The following GPI variants were observed in gnomAD, a reference collection of about 807,000 sequenced individuals.
GPI encodes glucose-6-phosphate isomerase.
In GPI, 56 loss-of-function variants were observed where a neutral mutation model predicts 75.8. That is an observed-to-expected ratio of 0.74 (90% CI 0.60 to 0.92). GPI has a LOEUF of 0.92. Ranked by LOEUF, GPI falls within the 40% of genes least tolerant of loss-of-function variation. The probability of loss-of-function intolerance (pLI) is 0.00; values close to 1 mark genes in which losing one functional copy is unlikely to be tolerated. For synonymous variants in GPI, 288 were observed against 285.4 expected (o/e 1.01, Z -0.09); for missense variants, 638 against 741.0 (o/e 0.86, Z 1.61).
At position 34,400,577 on chromosome 19, in the gene GPI, C is replaced by G. The variant is rs4619515; in HGVS notation, c.*541C>G. 394,977 of 425,178 alleles carry G rather than the reference C, an allele frequency of 0.93. 184,189 individuals are homozygous for G. Among genetic ancestry groups the G allele is most frequent in the East Asian group, 1 (29,985 of 29,994 alleles). 26.3% of individuals were successfully genotyped at this position (425,178 alleles called of 1,614,324 possible). The stretch of plus-strand genomic sequence containing the variant: ...TTTCCACTCCTCACCTCTGTGACTG[C>G]AGAAATTGGATACTCTGTTCACTCG... On this transcript the variant is annotated 3_prime_UTR_variant, in exon 18 of 18. Transcript: ENST00000356487.
chr19:34,361,610 TCTTA>T (rs1194096658), upstream of GPI, among the ~76,000 whole-genome samples: 4 of 152,156 alleles, frequency 2.6e-5, no homozygotes, highest in Admixed American at 1.3e-4. Context: ...AGACTTTTCT[TCTTA>T]CTTTTCTGTG....
In GPI at chr19:34,399,273, C is replaced by T. The variant is rs774419705; in HGVS notation, c.1336C>T (p.Arg446Ter). 23 of 1,613,864 alleles carry T rather than the reference C, an allele frequency of 1.4e-5. No homozygotes were observed. The highest frequency in any genetic ancestry group is 3.3e-5 in the Admixed American group (2 of 59,998). Reference sequence around the variant, plus strand: ...GAGGGGAAAATCGACGGAGGAGGCCCGAAAGGAGCTCCAGGCTGCGGGCAA... The same window carrying T: ...GAGGGGAAAATCGACGGAGGAGGCCTGAAAGGAGCTCCAGGCTGCGGGCAA... ...LMRGKSTEEARKELQAAGKSP... is the reference protein window; with the variant it reads ...LMRGKSTEEA Residue 446 changes from arginine (R) to a stop codon, truncating the protein, a stop_gained, in exon 15 of 18, where the codon CGA (arginine) becomes TGA (stop). Transcript: ENST00000356487. LOFTEE classifies it high-confidence loss of function.
At chr19:34,373,894 G>T (rs2074492732) in intron 4 of GPI, among the ~76,000 whole-genome samples, 1 of 152,196 alleles carries the variant, frequency 6.6e-6, no homozygotes, top group South Asian at 2.1e-4. Context: ...CAGAGTGAGT[G>T]ATCCAATAGA....
rs771404447 is a variant in GPI at position 34,399,649 on chromosome 19, A to G, written c.1474+18A>G. The G allele has an allele frequency of 6.2e-7, 1 of 1,613,980 alleles. No individual in the cohort carries two copies. Among genetic ancestry groups the G allele is most frequent in the South Asian group, 1.1e-5 (1 of 91,080 alleles). On this transcript the variant is annotated intron_variant, in intron 16 of 17. Transcript: ENST00000356487. The stretch of plus-strand genomic sequence containing the variant: ...CTTGGTCGGTGAGTGAGTAGGGGAA[A>G]GGTCCTGGCTTGGGGTAGGTTGGAA...
At position 34,393,064 on chromosome 19, in the gene GPI, G is replaced by C; in HGVS notation, c.805-184G>C. 1 of 657,306 alleles carries C rather than the reference G, an allele frequency of 1.5e-6. No individual in the cohort carries two copies. Among genetic ancestry groups the C allele is most frequent in the Non-Finnish European group, 2.8e-6 (1 of 360,086 alleles). The allele number at this position is 657,306 out of a possible 1,614,324, so 40.7% of individuals were successfully genotyped here. On this transcript the variant is annotated intron_variant, in intron 9 of 17. Transcript: ENST00000356487. The surrounding 1 kb of genome is among the most constrained non-coding windows in gnomAD (Gnocchi z 4.4). ...GTCTTGTGGCTGTGGTCAGTCATCT[G>C]TAGTCTGCCCTGTTGGTCTTCCCAT...
At chr19:34,366,953 A>C in intron 3 of GPI, 102 bp downstream of exon 3, 5 of 929,698 alleles carry the variant, frequency 5.4e-6, no homozygotes, top group Non-Finnish European at 8.9e-6. Flanking sequence ...TCTCTTGGGC[A>C]ATGCTTTTGC....
chr19:34,366,218 GGT>G (rs1174518540), intron 1 of GPI, 125 bp from the exon 2 acceptor site: 1 of 743,426 alleles, frequency 1.3e-6, no homozygotes, highest in Admixed American at 1.9e-5. Context: ...CACTGTGCTG[GGT>G]GGCCGCGGCC....
intron 2 of GPI, 65 bp downstream of exon 2, chr19:34,366,500 G>A (rs1253406086): frequency 9.4e-7 from 1 of 1,060,192 alleles, no homozygotes; most frequent in Non-Finnish European, 1.5e-6. Context: ...TGGGCTCCTG[G>A]GAGTCCCCAG....
chr19:34,371,300 C>T (rs922502665), intron 4 of GPI, among the ~76,000 whole-genome samples: 7 of 152,208 alleles, frequency 4.6e-5, no homozygotes, highest in African/African-American at 7.2e-5. Flanking sequence ...TGGGTGAAGA[C>T]GTTCACTGTG....
upstream of GPI, among the ~76,000 whole-genome samples, chr19:34,364,277 C>T (rs1463865088): frequency 6.6e-6 from 1 of 152,098 alleles, no homozygotes; most frequent in East Asian, 1.9e-4. Flanking sequence ...TATCCCACCT[C>T]CCAAAGTGCT....
At chr19:34,364,885 A>G (rs1240294755), upstream of GPI, 10 of 1,187,750 alleles carry the variant, frequency 8.4e-6, no homozygotes, top group Non-Finnish European at 1.2e-5. Context: ...GAAGCCGACT[A>G]GTGCACAGGG....
intron 4 of GPI, among the ~76,000 whole-genome samples, chr19:34,375,646 G>A (rs749771060): frequency 6.6e-6 from 1 of 152,200 alleles, no homozygotes; most frequent in Non-Finnish European, 1.5e-5. Flanking sequence ...AGTTGGCTGT[G>A]ACTTTTGGAA....
intron 9 of GPI, among the ~76,000 whole-genome samples, chr19:34,383,057 C>G (rs1458715963): frequency 6.6e-6 from 1 of 152,170 alleles, no homozygotes; most frequent in East Asian, 1.9e-4. Context: ...CAGGTGAGAT[C>G]AGAAGAGTCC....
rs376312075 is a variant in GPI, at chr19:34,382,702, C to G, written c.804+1183C>G. Among the ~76,000 whole-genome samples, 106 of 152,120 alleles carry G rather than the reference C, an allele frequency of 7.0e-4. 2 individuals carry two copies. The South Asian group carries it at 0.021, about 31-fold the overall frequency. On this transcript the variant is annotated intron_variant, in intron 9 of 17. Transcript: ENST00000356487. ...CTGCCAGCCAAGGAGCCAAGCAGATCGGGGTGTCCTTGCTTGTCACCACCC... is the reference window on the plus strand; with the variant it reads ...CTGCCAGCCAAGGAGCCAAGCAGATGGGGGTGTCCTTGCTTGTCACCACCC...
intron 9 of GPI, among the ~76,000 whole-genome samples, chr19:34,391,278 T>G (rs1599846060): frequency 6.7e-6 from 1 of 149,384 alleles, no homozygotes; most frequent in Admixed American, 6.7e-5. Flanking sequence ...TCTGGGTCTG[T>G]CCATGTCTAA....
chr19:34,366,199 A>G (rs2145316497), intron 1 of GPI, 146 bp from the exon 2 acceptor site: 1 of 719,646 alleles, frequency 1.4e-6, no homozygotes, highest in South Asian at 1.5e-5. Flanking sequence ...AGCAGGTGAC[A>G]GACACCACCA....
intron 4 of GPI, among the ~76,000 whole-genome samples, chr19:34,375,763 A>G (rs2074526412): frequency 6.6e-6 from 1 of 152,236 alleles, no homozygotes; most frequent in Non-Finnish European, 1.5e-5. Context: ...AGAGCAAAGC[A>G]GAAACTGCAC....
chr19:34,361,855 G>A (rs1197258149), upstream of GPI, among the ~76,000 whole-genome samples: 1 of 152,008 alleles, frequency 6.6e-6, no homozygotes, highest in African/African-American at 2.4e-5. Context: ...AGTGGCTCAC[G>A]CCTGTAATCC....
Position 34,393,884 on chromosome 19 carries a change from C to G in GPI, c.910-30C>G. The stretch of plus-strand genomic sequence containing the variant: ...TCCCTCCCCTCCCCGTGCAGCTGCT[C>G]AGCTCCCACTCATCCTGCTCCTGTT... On this transcript the variant is annotated intron_variant, in intron 11 of 17. Coordinates refer to ENST00000356487, the MANE Select transcript of GPI (RefSeq NM_000175.5). This position sits in a 1 kb window ranked among gnomAD's most constrained non-coding sequence, Gnocchi z 4.4. 6.2e-7 allele frequency: 1 copy of G among 1,612,946 alleles called. No individual in the cohort carries two copies.
Sources: gnomAD v4.1 joint callset for allele counts (sites outside exome capture counted in the v4.1 genomes callset) on GRCh38, gnomAD v4.1.1 for gene constraint, Gnocchi (gnomAD v3.1) non-coding constraint, MANE v1.5 for transcripts, NCBI Gene and HGNC (gene_info 2026-07-23, HGNC 2026-07-21) for gene names.